TENM1: variants seen among roughly 807,000 people sequenced by gnomAD.
The protein encoded by TENM1 is teneurin-1.
In TENM1, 35 loss-of-function variants were observed where a neutral mutation model predicts 174.8. The ratio of observed to expected loss-of-function variants is 0.20; its 90% confidence interval spans 0.15 to 0.27. The LOEUF (loss-of-function observed/expected upper bound fraction) is 0.27, where lower values mean the gene tolerates loss of function less well. Ranked by LOEUF, TENM1 falls within the 10% of genes least tolerant of loss-of-function variation. The pLI, the probability that TENM1 is intolerant of heterozygous loss-of-function variation, is 1.00. For synonymous variants in TENM1, 781 were observed against 798.7 expected (o/e 0.98, Z 0.37); for missense variants, 1,633 against 2,130.1 (o/e 0.77, Z 4.59).
At chrX:124,996,482 T>C in the TENM1 span, among the ~76,000 whole-genome samples, 1 of 107,872 alleles carries the variant, frequency 9.3e-6, no homozygotes, top group Non-Finnish European at 1.9e-5. Context: ...ACAGATTCCA[T>C]GTTAAATCAG....
intron 1 of TENM1, among the ~76,000 whole-genome samples, chrX:124,939,501 TA>T (rs2058294769): frequency 9.0e-6 from 1 of 111,703 alleles, no homozygotes; most frequent in Non-Finnish European, 1.9e-5. Flanking sequence ...CTGTATTTAA[TA>T]TCCCTTTCCC....
At chrX:124,591,155 A>C (rs2049729242) in intron 11 of TENM1, among the ~76,000 whole-genome samples, 1 of 112,022 alleles carries the variant, frequency 8.9e-6, no homozygotes, top group Non-Finnish European at 1.9e-5. Flanking sequence ...TAAAGATAGC[A>C]GATGGATGGG....
the TENM1 span, among the ~76,000 whole-genome samples, chrX:124,971,952 G>A: frequency 4.5e-5 from 5 of 111,056 alleles, no homozygotes; most frequent in Admixed American, 1.9e-4. Flanking sequence ...AAATTAAATC[G>A]GGCTAGGCGT....
At chrX:124,496,378 T>G (rs181679504) in intron 20 of TENM1, among the ~76,000 whole-genome samples, 1 of 111,969 alleles carries the variant, frequency 8.9e-6, no homozygotes, top group African/African-American at 3.2e-5. Context: ...ATAATCTTTG[T>G]GGAACTTCAG....
chrX:124,447,984 A>G (rs1183528427), intron 23 of TENM1, among the ~76,000 whole-genome samples: 4 of 111,503 alleles, frequency 3.6e-5, no homozygotes, highest in Admixed American at 9.5e-5. Flanking sequence ...GATGCCACAC[A>G]GGCACCTCAA....
chrX:124,692,852 C>T (rs1569395946), intron 5 of TENM1, among the ~76,000 whole-genome samples: 1 of 106,803 alleles, frequency 9.4e-6, no homozygotes, highest in African/African-American at 3.4e-5. Flanking sequence ...ACTAAAAATA[C>T]AAAAAATTAG....
intron 1 of TENM1, among the ~76,000 whole-genome samples, chrX:124,924,618 T>A (rs554981263): frequency 8.9e-6 from 1 of 112,028 alleles, no homozygotes; most frequent in Admixed American, 9.5e-5. Context: ...CATTTTGTTA[T>A]GCAAACCAAT....
At chrX:124,976,198 T>C in the TENM1 span, among the ~76,000 whole-genome samples, 1 of 111,774 alleles carries the variant, frequency 8.9e-6, no homozygotes, top group Admixed American at 9.5e-5. Context: ...AGAAAGAAGA[T>C]ACAGGTACTC....
the TENM1 span, among the ~76,000 whole-genome samples, chrX:125,159,451 T>C: frequency 1.8e-5 from 2 of 112,253 alleles, no homozygotes; most frequent in Non-Finnish European, 3.8e-5. Context: ...ATAACACCAA[T>C]CAGCTATTGT....
In TENM1 at chrX:124,937,097, G is replaced by A. The variant is rs139423406; in HGVS notation, c.217+26440C>T. 1.1e-3 allele frequency among the ~76,000 whole-genome samples: 121 copies of A among 107,828 alleles called. No homozygotes were observed. In the East Asian group the frequency reaches 0.031, roughly 28 times the overall value. The allele number at this position is 107,828 out of a possible 115,157, so 93.6% of individuals were successfully genotyped here. A position where few individuals can be genotyped will look rare whatever the true frequency, so the allele number is the denominator to read the frequency against. On this transcript the variant is annotated intron_variant, in intron 1 of 31. Coordinates refer to ENST00000422452, the Ensembl canonical transcript of TENM1. ...GTGTAACTATTAAGCACTTATCCAC[G>A]ATCTTTCAGCCGTAAATAAATACTG...
the TENM1 span, among the ~76,000 whole-genome samples, chrX:125,016,047 C>T: frequency 0.096 from 10,591 of 110,620 alleles, 394 homozygotes; most frequent in South Asian, 0.2. Flanking sequence ...TTACAAATAG[C>T]TCCTCCAAAA....
chrX:124,922,980 G>T (rs2058044566), intron 1 of TENM1, among the ~76,000 whole-genome samples: 1 of 111,367 alleles, frequency 9.0e-6, no homozygotes, highest in African/African-American at 3.2e-5. Flanking sequence ...TTTGTAAATG[G>T]TCCAGGGGCA....
At chrX:125,184,309 G>T in the TENM1 span, among the ~76,000 whole-genome samples, 1 of 111,294 alleles carries the variant, frequency 9.0e-6, no homozygotes, top group Non-Finnish European at 1.9e-5. Flanking sequence ...TGCACAACTG[G>T]CAGACTCATA....
Position 124,586,216 on chromosome X carries a change from C to T in TENM1, c.2078-20656G>A, listed in dbSNP as rs184915342. 9.9e-5 allele frequency among the ~76,000 whole-genome samples: 11 copies of T among 111,060 alleles called. No homozygotes were observed. The East Asian group carries it at 1.7e-3, about 17-fold the overall frequency. Reference sequence around the variant, plus strand: ...GCCAGCATCATCCTGATACCAAAGCCGGGCAGACACACAACAGAAAAAGAG... The same window carrying T: ...GCCAGCATCATCCTGATACCAAAGCTGGGCAGACACACAACAGAAAAAGAG... On this transcript the variant is annotated intron_variant, in intron 11 of 31. Coordinates refer to ENST00000422452, the Ensembl canonical transcript of TENM1.
chrX:124,513,353 C>A (rs2047626881), intron 18 of TENM1, among the ~76,000 whole-genome samples: 1 of 111,715 alleles, frequency 9.0e-6, no homozygotes, highest in African/African-American at 3.3e-5. Context: ...CCCTTCCACT[C>A]CCTTCTCTGT....
intron 5 of TENM1, chrX:124,688,406 T>C (rs1405486006): frequency 1.8e-5 from 2 of 109,538 alleles, no homozygotes; most frequent in Non-Finnish European, 3.8e-5. Flanking sequence ...TTTTCTTTTA[T>C]TTTATTTTTC....
chrX:124,985,984 C>G, the TENM1 span, among the ~76,000 whole-genome samples: 1 of 111,509 alleles, frequency 9.0e-6, no homozygotes, highest in African/African-American at 3.3e-5. Flanking sequence ...CAATGTCTAA[C>G]TGATAAAACG....
the TENM1 span, among the ~76,000 whole-genome samples, chrX:124,970,036 C>T: frequency 8.9e-6 from 1 of 111,945 alleles, no homozygotes; most frequent in East Asian, 2.8e-4. Flanking sequence ...CCCTAGCCTT[C>T]TCACACATAC....
intron 11 of TENM1, among the ~76,000 whole-genome samples, chrX:124,566,381 T>G (rs2148176297): frequency 8.9e-6 from 1 of 112,498 alleles, no homozygotes; most frequent in Admixed American, 9.4e-5. Context: ...GCTGAGTTTC[T>G]TTCCTTTGTC....
Sources: gnomAD v4.1 joint callset for allele counts (sites outside exome capture counted in the v4.1 genomes callset) on GRCh38, gnomAD v4.1.1 for gene constraint, MANE v1.5 for transcripts, NCBI Gene and HGNC (gene_info 2026-07-23, HGNC 2026-07-21) for gene names.